Variants in MLPH observed in about 807,000 individuals in gnomAD.
MLPH encodes melanophilin.
In MLPH, 51 loss-of-function variants were observed where a neutral mutation model predicts 72.1. The ratio of observed to expected loss-of-function variants is 0.71; its 90% CI spans 0.56 to 0.89. MLPH has a LOEUF of 0.89. Among genes scored for constraint, MLPH ranks in the 40% least tolerant of loss-of-function variants. The pLI is 0.00. For missense variants in MLPH, 743 were observed against 759.9 expected (o/e 0.98, Z 0.26); for synonymous variants, 301 against 310.1 (o/e 0.97, Z 0.31).
intron 2 of MLPH, among the ~76,000 whole-genome samples, chr2:237,494,441 G>A (rs974937998): frequency 3.3e-5 from 5 of 152,288 alleles, no homozygotes; most frequent in Admixed American, 2.0e-4. Context: ...CGGGGGTCCT[G>A]TAGAGCTTCA....
At chr2:237,511,858 T>C (rs942449890) in intron 4 of MLPH, among the ~76,000 whole-genome samples, 18 of 152,354 alleles carry the variant, frequency 1.2e-4, no homozygotes, top group African/African-American at 4.1e-4. Flanking sequence ...AGAGATCTTT[T>C]CAGGGAGAGG....
chr2:237,490,009 G>A (rs755071878), intron 1 of MLPH, among the ~76,000 whole-genome samples: 2 of 152,152 alleles, frequency 1.3e-5, no homozygotes, highest in Non-Finnish European at 1.5e-5. Context: ...TGTCTCCAAT[G>A]TTTAAAATAT....
intron 1 of MLPH, among the ~76,000 whole-genome samples, chr2:237,488,082 CG>C (rs1157655262): frequency 1.3e-5 from 2 of 152,080 alleles, no homozygotes; most frequent in African/African-American, 4.8e-5. Context: ...ATCCCTTCCC[CG>C]GGCTTAGACA....
intron 9 of MLPH, among the ~76,000 whole-genome samples, chr2:237,538,275 G>C (rs879516053): frequency 6.6e-6 from 1 of 152,208 alleles, no homozygotes; most frequent in Non-Finnish European, 1.5e-5. Context: ...GCATAGACAG[G>C]GTCACAGGGA....
At chr2:237,538,339 G>T (rs2080583862) in intron 9 of MLPH, among the ~76,000 whole-genome samples, 1 of 152,208 alleles carries the variant, frequency 6.6e-6, no homozygotes, top group Admixed American at 6.5e-5. Context: ...CCCAAATGTG[G>T]GACTCGAAGC....
intron 2 of MLPH, among the ~76,000 whole-genome samples, chr2:237,497,311 C>G (rs1286632255): frequency 1.3e-5 from 2 of 152,212 alleles, no homozygotes; most frequent in African/African-American, 4.8e-5. Context: ...CTGATGTAAA[C>G]AGTGTGGTGG....
chr2:237,542,499 G>C, intron 11 of MLPH, 68 bp from the exon 12 acceptor site: 1 of 1,319,506 alleles, frequency 7.6e-7, no homozygotes, highest in South Asian at 1.3e-5. Context: ...TGCTCTTTCT[G>C]TCCATGACTT....
intron 5 of MLPH, 46 bp from the exon 6 acceptor site, chr2:237,519,864 C>T (rs2080140860): frequency 6.2e-7 from 1 of 1,613,644 alleles, no homozygotes; most frequent in African/African-American, 1.3e-5. Context: ...TCCTCTCCCT[C>T]AAGCTAGCCC....
In MLPH at chr2:237,540,894, G is replaced by A. The variant is rs2080664914; in HGVS notation, c.1383G>A (p.Glu461=). ...PVQYNRTTDE[E]LSELEDRVAV... is the part of the protein sequence containing the mutation. Reference sequence around the variant, plus strand: ...AGTACAACAGGACCACAGATGAGGAGCTGTCAGAGCTGGAGGACAGAGTGG... The same window carrying A: ...AGTACAACAGGACCACAGATGAGGAACTGTCAGAGCTGGAGGACAGAGTGG... Residue 461 remains glutamate (E), a synonymous_variant, in exon 11 of 16, where the codon GAG becomes GAA. Coordinates refer to ENST00000264605, the MANE Select transcript of MLPH (RefSeq NM_024101.7). 1 of 1,612,574 alleles carries A rather than the reference G, an allele frequency of 6.2e-7. No individual in the cohort carries two copies. The highest frequency in any genetic ancestry group is 8.5e-7 in the Non-Finnish European group (1 of 1,179,544).
At chr2:237,531,822 A>T (rs1229165199) in intron 8 of MLPH, among the ~76,000 whole-genome samples, 1 of 152,136 alleles carries the variant, frequency 6.6e-6, no homozygotes, top group African/African-American at 2.4e-5. Context: ...CCTATGTAGA[A>T]ATTGTAGCAG....
chr2:237,524,340 A>T lies in MLPH; in HGVS notation c.676-1261A>T, dbSNP rs566005819. ...ATATATAAAGGGGAGTTTATTAAGT[A>T]TTAACTTACACGATCACGAGTCCCA... On this transcript the variant is annotated intron_variant, in intron 6 of 15. Coordinates refer to ENST00000264605, the MANE Select transcript of MLPH (RefSeq NM_024101.7). Among the ~76,000 whole-genome samples the T allele has an allele frequency of 2.3e-5, 3 of 131,302 alleles. No individual in the cohort carries two copies. In the South Asian group the frequency reaches 7.0e-4, roughly 31 times the overall value. The allele number at this position is 131,302 out of a possible 152,430, so 86.1% of individuals were successfully genotyped here.
At chr2:237,517,480 T>G (rs958309325) in intron 4 of MLPH, among the ~76,000 whole-genome samples, 1 of 151,004 alleles carries the variant, frequency 6.6e-6, no homozygotes, top group Non-Finnish European at 1.5e-5. Flanking sequence ...GATAGATAAG[T>G]GGATGGGTGG....
chr2:237,516,780 AATGGATGGATGGATGGATGGATGG>A lies in MLPH; in HGVS notation c.446-1734_446-1711del, dbSNP rs545327814. Among the ~76,000 whole-genome samples the A allele has an allele frequency of 1.1e-3, 159 of 142,768 alleles. 1 individual carries two copies. Among genetic ancestry groups the A allele is most frequent in the Non-Finnish European group, 1.9e-3 (127 of 65,474 alleles). 93.7% of individuals were successfully genotyped at this position (142,768 alleles called of 152,430 possible). On this transcript the variant is annotated intron_variant, in intron 4 of 15. Transcript: ENST00000264605. ...ATGGATTGTGGGAGAGGGAGAGATG[AATGGATGGATGGATGGATGGATGG>A]ATGGATGGATGGATGGATGGATGGT...
chr2:237,521,709 G>A (rs1314834027), intron 6 of MLPH, among the ~76,000 whole-genome samples: 2 of 152,276 alleles, frequency 1.3e-5, no homozygotes, highest in East Asian at 1.9e-4. Context: ...AGAAGCAGAT[G>A]AGCAGGAAAA....
In MLPH at chr2:237,553,772, T is replaced by C. The variant is rs2081084154; in HGVS notation, c.*180T>C. ...TGGACAGCGACATTCAGTCCTGCAC[T>C]GCTCACCTGGGTTTACTGATGACTC... is the stretch of plus-strand genomic sequence containing the variant. On this transcript the variant is annotated 3_prime_UTR_variant, in exon 16 of 16. Transcript: ENST00000264605. 1 of 860,132 alleles carries C rather than the reference T, an allele frequency of 1.2e-6. No homozygotes were observed. Among genetic ancestry groups the C allele is most frequent in the Admixed American group, 1.7e-5 (1 of 57,414 alleles). 53.3% of individuals were successfully genotyped at this position (860,132 alleles called of 1,614,324 possible). A position where few individuals can be genotyped will look rare whatever the true frequency, so the allele number is the denominator to read the frequency against.
At chr2:237,491,163 C>T (rs2079421861) in intron 1 of MLPH, among the ~76,000 whole-genome samples, 1 of 152,154 alleles carries the variant, frequency 6.6e-6, no homozygotes, top group Non-Finnish European at 1.5e-5. Context: ...ATAAACGCTT[C>T]CAAATGGTCA....
chr2:237,486,817 G>A (rs1306830543), upstream of MLPH: 1 of 152,226 alleles, frequency 6.6e-6, no homozygotes, highest in African/African-American at 2.4e-5. Context: ...TTACTGGTCG[G>A]TGGCTTTGGT....
At chr2:237,542,400 G>A (rs1166267809) in intron 11 of MLPH, among the ~76,000 whole-genome samples, 167 bp from the exon 12 acceptor site, 1 of 152,164 alleles carries the variant, frequency 6.6e-6, no homozygotes, top group Non-Finnish European at 1.5e-5. Flanking sequence ...TAAATGCCAA[G>A]GGGACCACCA....
chr2:237,533,412 T>G (rs1334761418), intron 8 of MLPH, among the ~76,000 whole-genome samples: 5 of 137,572 alleles, frequency 3.6e-5, no homozygotes, highest in African/African-American at 8.5e-5. Context: ...TTTTTTTTTT[T>G]GTCAGAGTCT....
Sources: gnomAD v4.1 joint callset for allele counts (sites outside exome capture counted in the v4.1 genomes callset) on GRCh38, gnomAD v4.1.1 for gene constraint, MANE v1.5 for transcripts, NCBI Gene and HGNC (gene_info 2026-07-23, HGNC 2026-07-21) for gene names.